Variants in UBE2E2 observed in about 807,000 individuals in gnomAD.
UBE2E2 encodes the protein ubiquitin conjugating enzyme E2 E2, also known as ubiquitin-conjugating enzyme E2 E2.
A neutral mutation model predicts 24.7 loss-of-function variants in UBE2E2; 6 were observed. The observed-to-expected ratio is 0.24, with a 90% confidence interval of 0.13 to 0.48. UBE2E2 has a LOEUF of 0.48. Ranked by LOEUF, UBE2E2 falls within the 20% of genes least tolerant of loss-of-function variation. The pLI is 0.99. For synonymous variants in UBE2E2, 104 were observed against 83.6 expected (o/e 1.24, Z -1.33); for missense variants, 169 against 245.0 (o/e 0.69, Z 2.07).
intron 3 of UBE2E2, among the ~76,000 whole-genome samples, chr3:23,418,565 A>G (rs1478730745): frequency 6.6e-6 from 1 of 151,526 alleles, no homozygotes; most frequent in Non-Finnish European, 1.5e-5. Context: ...CTGTTCTCGA[A>G]CTCCTCACCT....
chr3:23,343,650 C>T (rs1367984789), intron 3 of UBE2E2, among the ~76,000 whole-genome samples: 1 of 152,186 alleles, frequency 6.6e-6, no homozygotes, highest in African/African-American at 2.4e-5. Flanking sequence ...GCATGCTCCT[C>T]AAGTGAACAC....
At chr3:23,352,562 A>G (rs1268457532) in intron 3 of UBE2E2, among the ~76,000 whole-genome samples, 1 of 152,230 alleles carries the variant, frequency 6.6e-6, no homozygotes. Flanking sequence ...ATCACCACCA[A>G]TCCCACAGAA....
chr3:23,398,871 A>G (rs939264574), intron 3 of UBE2E2, among the ~76,000 whole-genome samples: 2 of 152,210 alleles, frequency 1.3e-5, no homozygotes, highest in Admixed American at 6.5e-5. Flanking sequence ...TATTATAAAT[A>G]TTAATGTAAT....
At position 23,263,293 on chromosome 3, in the gene UBE2E2, A is replaced by G. The variant is rs140183669; in HGVS notation, c.227+45981A>G. ...CAGATATTTGTAAAATCTGATGTTTATATGTGAGAGCCATTTGTGAAGATA... is the reference window on the plus strand; with the variant it reads ...CAGATATTTGTAAAATCTGATGTTTGTATGTGAGAGCCATTTGTGAAGATA... On this transcript the variant is annotated intron_variant, in intron 3 of 5. Transcript: ENST00000396703. Among the ~76,000 whole-genome samples the G allele has an allele frequency of 2.3e-3, 357 of 152,336 alleles. 2 individuals are homozygous for G. The Middle Eastern group carries it at 0.075, about 32-fold the overall frequency.
At chr3:23,388,394 C>T (rs1391257815) in intron 3 of UBE2E2, among the ~76,000 whole-genome samples, 1 of 152,180 alleles carries the variant, frequency 6.6e-6, no homozygotes, top group Non-Finnish European at 1.5e-5. Flanking sequence ...TCTTACATCT[C>T]TGTTCATAAT....
intron 2 of UBE2E2, among the ~76,000 whole-genome samples, chr3:23,215,191 T>TTA (rs1696443770): frequency 6.6e-6 from 1 of 152,204 alleles, no homozygotes; most frequent in Non-Finnish European, 1.5e-5. Context: ...CACTTTTAGC[T>TTA]GGTTTATATT....
intron 3 of UBE2E2, among the ~76,000 whole-genome samples, chr3:23,348,208 A>C (rs767637216): frequency 1.3e-5 from 2 of 152,178 alleles, no homozygotes; most frequent in Non-Finnish European, 1.5e-5. Context: ...GTTCAATTGA[A>C]ATCAACCTAG....
At chr3:23,306,661 C>G (rs1699244840) in intron 3 of UBE2E2, among the ~76,000 whole-genome samples, 2 of 152,162 alleles carry the variant, frequency 1.3e-5, no homozygotes, top group Non-Finnish European at 2.9e-5. Context: ...CCCATTGTTT[C>G]TGCTTCACTC....
chr3:23,270,215 T>G (rs1228066823), intron 3 of UBE2E2, among the ~76,000 whole-genome samples: 1 of 147,982 alleles, frequency 6.8e-6, no homozygotes, highest in South Asian at 2.2e-4. Flanking sequence ...TGTAGTGGGC[T>G]CTCCCTGTCA....
intron 3 of UBE2E2, among the ~76,000 whole-genome samples, chr3:23,455,326 C>A (rs1698654757): frequency 6.8e-6 from 1 of 147,388 alleles, no homozygotes; most frequent in South Asian, 2.1e-4. Context: ...TTTTTGGTTT[C>A]CCAGTGCATC....
intron 3 of UBE2E2, among the ~76,000 whole-genome samples, chr3:23,372,192 A>G (rs1482053465): frequency 1.3e-5 from 2 of 152,232 alleles, no homozygotes; most frequent in East Asian, 1.9e-4. Flanking sequence ...ATTTTGCTGT[A>G]TGTAAATTAT....
At chr3:23,421,204 A>G (rs1156465976) in intron 3 of UBE2E2, among the ~76,000 whole-genome samples, 1 of 152,202 alleles carries the variant, frequency 6.6e-6, no homozygotes, top group Non-Finnish European at 1.5e-5. Flanking sequence ...GAATTTAACA[A>G]ATATTTTAGT....
In UBE2E2 at chr3:23,536,922, T is replaced by A. The variant is rs531002917; in HGVS notation, c.508+4221T>A. 5.3e-5 allele frequency among the ~76,000 whole-genome samples: 8 copies of A among 152,266 alleles called. No individual in the cohort carries two copies. In the East Asian group the frequency reaches 1.5e-3, roughly 29 times the overall value. ...GTCCTCGTTTAATGTCATCAGTAGG[T>A]TCTTAGAAACTGCAACTTTTAGTGA... On this transcript the variant is annotated intron_variant, in intron 5 of 5. Coordinates refer to ENST00000396703, the MANE Select transcript of UBE2E2 (RefSeq NM_152653.4).
chr3:23,348,540 C>G (rs1695629182), intron 3 of UBE2E2, among the ~76,000 whole-genome samples: 1 of 151,988 alleles, frequency 6.6e-6, no homozygotes, highest in Non-Finnish European at 1.5e-5. Context: ...TTTTACCTAA[C>G]AAAAAGCATA....
At chr3:23,515,922 T>G (rs1396401035) in intron 4 of UBE2E2, among the ~76,000 whole-genome samples, 1 of 152,134 alleles carries the variant, frequency 6.6e-6, no homozygotes, top group Non-Finnish European at 1.5e-5. Context: ...TGAGCTATAA[T>G]GATGCCACTA....
intron 3 of UBE2E2, among the ~76,000 whole-genome samples, chr3:23,324,035 A>G (rs371931323): frequency 6.6e-6 from 1 of 152,188 alleles, no homozygotes. Flanking sequence ...TGTAAACTGT[A>G]TAAGCCAAAC....
rs558514596 is a variant in UBE2E2 at position 23,219,877 on chromosome 3, G to T, written c.227+2565G>T. Among the ~76,000 whole-genome samples the T allele has an allele frequency of 3.3e-5, 5 of 152,274 alleles. No homozygotes were observed. In the South Asian group the frequency reaches 1.0e-3, roughly 32 times the overall value. ...CTACTGGTTGTCTGGGTAGGGGTGG[G>T]TGTGTGTCACATTCCACTTTGAGTG... is the stretch of plus-strand genomic sequence containing the variant. On this transcript the variant is annotated intron_variant, in intron 3 of 5. Transcript: ENST00000396703.
chr3:23,234,743 T>A lies in UBE2E2; in HGVS notation c.227+17431T>A, dbSNP rs1697062907. Among the ~76,000 whole-genome samples, 2 of 152,130 alleles carry A rather than the reference T, an allele frequency of 1.3e-5. 1 individual carries two copies. The highest frequency in any genetic ancestry group is 4.1e-4 in the South Asian group (2 of 4,830). ...TCTAAGTGTTTATTAGAGTTAAGCT[T>A]GAATTAGGGTTGGATACATGTTATC... On this transcript the variant is annotated intron_variant, in intron 3 of 5. Transcript: ENST00000396703.
At chr3:23,556,088 TTTCTATATA>T (rs1322751685) in intron 5 of UBE2E2, among the ~76,000 whole-genome samples, 1 of 151,992 alleles carries the variant, frequency 6.6e-6, no homozygotes, top group African/African-American at 2.4e-5. Flanking sequence ...AGTAACCATT[TTTCTATATA>T]TTGTATCTTT....
Sources: allele counts gnomAD v4.1 joint callset (sites outside exome capture counted in the v4.1 genomes callset), GRCh38; gene constraint gnomAD v4.1.1; transcripts MANE v1.5; gene names NCBI Gene and HGNC (gene_info 2026-07-23, HGNC 2026-07-21).